Variants in MYO16 observed in about 807,000 individuals in gnomAD.
MYO16 encodes myosin XVI.
Under a neutral mutation model 205.3 loss-of-function variants are expected in MYO16, and 94 were observed. That is an observed-to-expected ratio of 0.46 (90% CI 0.39 to 0.54). MYO16 has a LOEUF of 0.54. MYO16 is among the 20% of genes least tolerant of loss of function. MYO16 has a pLI of 0.00. For missense variants in MYO16, 2,315 were observed against 2,387.5 expected (o/e 0.97, Z 0.63); for synonymous variants, 988 against 954.0 (o/e 1.04, Z -0.66).
chr13:109,060,597 C>G (rs537605543), intron 27 of MYO16, among the ~76,000 whole-genome samples: 3 of 152,112 alleles, frequency 2.0e-5, no homozygotes, highest in African/African-American at 7.2e-5. Context: ...CACATGTATA[C>G]CTATGTAACA....
the MYO16 span, among the ~76,000 whole-genome samples, chr13:108,506,879 A>G: frequency 6.6e-6 from 1 of 151,764 alleles, no homozygotes; most frequent in Admixed American, 6.6e-5. Flanking sequence ...AGTTTGTTGA[A>G]TTTTTTTTAC....
In MYO16 at chr13:109,160,602, C is replaced by T. The variant is rs138984758; in HGVS notation, c.5165-4299C>T. ...CCTTACTTCACTAGATACAGAGGCA[C>T]AAAAATGTCTCAGACACACCTTTAA... On this transcript the variant is annotated intron_variant, in intron 32 of 34. Coordinates refer to ENST00000457511, the MANE Select transcript of MYO16 (RefSeq NM_001198950.3). Among the ~76,000 whole-genome samples the T allele has an allele frequency of 5.5e-3, 836 of 152,240 alleles. 3 individuals are homozygous for T. The highest frequency in any genetic ancestry group is 0.01 in the Middle Eastern group (3 of 294).
intron 16 of MYO16, among the ~76,000 whole-genome samples, chr13:108,952,528 C>T (rs2139343556): frequency 6.6e-6 from 1 of 152,254 alleles, no homozygotes; most frequent in South Asian, 2.1e-4. Context: ...GAGAATTTGG[C>T]CCATCAGTAT....
At chr13:108,765,189 C>A (rs545454930) in intron 4 of MYO16, among the ~76,000 whole-genome samples, 1 of 152,244 alleles carries the variant, frequency 6.6e-6, no homozygotes, top group South Asian at 2.1e-4. Context: ...TTCTGCACTT[C>A]TCCAGACCTT....
At chr13:108,662,075 T>G (rs1052776787) in intron 1 of MYO16, among the ~76,000 whole-genome samples, 1 of 152,182 alleles carries the variant, frequency 6.6e-6, no homozygotes, top group Admixed American at 6.5e-5. Flanking sequence ...AGCCACCCAG[T>G]GAGTCTACCC....
upstream of MYO16, among the ~76,000 whole-genome samples, chr13:108,628,609 C>G (rs1351220223): frequency 6.6e-6 from 1 of 152,164 alleles, no homozygotes; most frequent in Non-Finnish European, 1.5e-5. Flanking sequence ...TATTTTACAT[C>G]ACGCTACTAA....
At chr13:109,029,112 C>CTTTTTTTT (rs200871485) in intron 23 of MYO16, among the ~76,000 whole-genome samples, 127 of 98,346 alleles carry the variant, frequency 1.3e-3, no homozygotes, top group African/African-American at 1.9e-3. Context: ...TTTTTCTTTT[C>CTTTTTTTT]TTTTTTTTTT....
intron 2 of MYO16, among the ~76,000 whole-genome samples, chr13:108,702,990 C>G (rs1000736850): frequency 6.6e-6 from 1 of 151,910 alleles, no homozygotes; most frequent in Non-Finnish European, 1.5e-5. Flanking sequence ...CCTGTTTACA[C>G]AAAAGAAGGC....
At chr13:108,554,848 T>TAAAA in the MYO16 span, among the ~76,000 whole-genome samples, 266 of 77,508 alleles carry the variant, frequency 3.4e-3, no homozygotes, top group East Asian at 4.8e-3. Flanking sequence ...AGACTCTGAC[T>TAAAA]AAAAAAAAAA....
At chr13:108,802,878 A>G (rs1002076390) in intron 6 of MYO16, among the ~76,000 whole-genome samples, 20 of 152,168 alleles carry the variant, frequency 1.3e-4, no homozygotes, top group Admixed American at 2.0e-4. Context: ...TTCTTTTGAT[A>G]AATGTCTGTT....
chr13:108,806,658 TAAG>T lies in MYO16; in HGVS notation c.742-19_742-17del. 6.2e-7 allele frequency: 1 copy of T among 1,608,706 alleles called. No individual in the cohort carries two copies. The highest frequency in any genetic ancestry group is 8.5e-7 in the Non-Finnish European group (1 of 1,176,170). On this transcript the variant is annotated intron_variant, in intron 6 of 34. Transcript: ENST00000457511. ...ATCACTACTTTAAAAAAATGAATAATAAGATGTCTCTTCGCTGCAGTTACACAT... is the reference window on the plus strand; with the variant it reads ...ATCACTACTTTAAAAAAATGAATAATATGTCTCTTCGCTGCAGTTACACAT...
rs1303135325 is a variant in MYO16 at position 108,963,606 on chromosome 13, A to G, written c.2227+1111A>G. 2.0e-5 allele frequency among the ~76,000 whole-genome samples: 3 copies of G among 152,318 alleles called. No homozygotes were observed. In the East Asian group the frequency reaches 5.8e-4, roughly 29 times the overall value. On this transcript the variant is annotated intron_variant, in intron 19 of 34. Coordinates refer to ENST00000457511, the MANE Select transcript of MYO16 (RefSeq NM_001198950.3). ...TGAAATAATCTTTCTGAAATGCAAT[A>G]GGCATTTCAGGAATAAGGCCAACAG...
At chr13:108,500,832 A>G in the MYO16 span, among the ~76,000 whole-genome samples, 11 of 152,172 alleles carry the variant, frequency 7.2e-5, no homozygotes, top group Middle Eastern at 3.4e-3. Flanking sequence ...ATGATTTTCT[A>G]TCATCTGCAG....
intron 2 of MYO16, among the ~76,000 whole-genome samples, chr13:108,711,116 T>C (rs1883704216): frequency 6.6e-6 from 1 of 152,072 alleles, no homozygotes; most frequent in South Asian, 2.1e-4. Flanking sequence ...GGGAAGAGCA[T>C]CTCCATACCA....
chr13:109,179,957 T>A (rs1360812266), intron 34 of MYO16, among the ~76,000 whole-genome samples: 3 of 152,214 alleles, frequency 2.0e-5, no homozygotes, highest in Non-Finnish European at 4.4e-5. Flanking sequence ...TGAATGAAGT[T>A]GCTATGCATT....
At chr13:108,574,708 T>TGTGTGTGTGTGTGTGCGC in the MYO16 span, among the ~76,000 whole-genome samples, 1 of 81,724 alleles carries the variant, frequency 1.2e-5, no homozygotes, top group African/African-American at 3.9e-5. Flanking sequence ...TGTGTGTGTG[T>TGTGTGTGTGTGTGTGCGC]GCGCTTGTGT....
intron 16 of MYO16, among the ~76,000 whole-genome samples, chr13:108,911,468 A>G (rs572577474): frequency 1.6e-4 from 25 of 152,272 alleles, no homozygotes; most frequent in African/African-American, 6.0e-4. Context: ...GTGGTGTCCA[A>G]GGGAGATGGA....
chr13:109,065,683 G>T (rs1443625267), intron 27 of MYO16: 6 of 382,622 alleles, frequency 1.6e-5, no homozygotes, highest in Admixed American at 3.5e-5. Flanking sequence ...CAATGGTCAT[G>T]AAGGGCTGTG....
chr13:108,767,191 C>G (rs1266014325), intron 4 of MYO16, among the ~76,000 whole-genome samples: 2 of 152,088 alleles, frequency 1.3e-5, no homozygotes, highest in Admixed American at 1.3e-4. Context: ...CAAGCTCCGC[C>G]TCCCGGGTTC....
Sources: gnomAD v4.1 joint callset for allele counts (sites outside exome capture counted in the v4.1 genomes callset) on GRCh38, gnomAD v4.1.1 for gene constraint, MANE v1.5 for transcripts, NCBI Gene and HGNC (gene_info 2026-07-23, HGNC 2026-07-21) for gene names.